The following DDAH1 variants were observed in gnomAD, a reference collection of about 807,000 sequenced individuals.
DDAH1 encodes dimethylarginine dimethylaminohydrolase 1.
In DDAH1, 19 loss-of-function variants were observed where a neutral mutation model predicts 28.8. The ratio of observed to expected loss-of-function variants is 0.66; its 90% CI spans 0.46 to 0.97. The LOEUF is 0.97. Ranked by LOEUF, DDAH1 falls within the 50% of genes least tolerant of loss-of-function variation. The probability of loss-of-function intolerance (pLI) is 0.00; values close to 1 mark genes in which losing one functional copy is unlikely to be tolerated. For synonymous variants in DDAH1, 153 were observed against 154.4 expected, an observed-to-expected ratio of 0.99 and a Z score of 0.07; for missense variants, 326 against 375.9, an observed-to-expected ratio of 0.87 and a Z score of 1.10.
chr1:85,570,271 G>A (rs1292020607), intron 1 of DDAH1, among the ~76,000 whole-genome samples: 1 of 151,690 alleles, frequency 6.6e-6, no homozygotes, highest in Non-Finnish European at 1.5e-5. Context: ...TTCTCCTGAT[G>A]CCTGATATTT....
chr1:85,366,165 G>T (rs1650066654), intron 1 of DDAH1, among the ~76,000 whole-genome samples: 1 of 150,616 alleles, frequency 6.6e-6, no homozygotes, highest in African/African-American at 2.4e-5. Context: ...ATGGTCAACA[G>T]AACTGGAAAT....
intron 4 of DDAH1, among the ~76,000 whole-genome samples, chr1:85,335,040 G>A (rs530389371): frequency 3.9e-5 from 6 of 152,212 alleles, no homozygotes; most frequent in Admixed American, 1.3e-4. Context: ...GCTTGAGGAA[G>A]TCCTACGCCT....
In DDAH1 at chr1:85,464,566, A is replaced by C. The variant is rs778427973; in HGVS notation, c.303+177T>G. Reference sequence around the variant, plus strand: ...CTGCCGGCAGCCGGGAGGTGTGAACAATGAACTTCTCTCTGACTCTCTGAC... The same window carrying C: ...CTGCCGGCAGCCGGGAGGTGTGAACCATGAACTTCTCTCTGACTCTCTGAC... On this transcript the variant is annotated intron_variant, in intron 1 of 5. Transcript: ENST00000284031. This position sits in a 1 kb window ranked among gnomAD's most constrained non-coding sequence, Gnocchi z 4.4. 106 of 1,527,164 alleles carry C rather than the reference A, an allele frequency of 6.9e-5. No homozygotes were observed. The South Asian group carries it at 1.2e-3, about 17-fold the overall frequency. The allele number at this position is 1,527,164 out of a possible 1,614,324, so 94.6% of individuals were successfully genotyped here. A position where few individuals can be genotyped will look rare whatever the true frequency, so the allele number is the denominator to read the frequency against.
chr1:85,525,664 T>C (rs555937807), intron 1 of DDAH1, among the ~76,000 whole-genome samples: 6 of 152,062 alleles, frequency 3.9e-5, no homozygotes, highest in Admixed American at 1.3e-4. Context: ...AACTGGAGAC[T>C]AGCAGGACAC....
At chr1:85,506,277 G>A (rs1310950518) in intron 1 of DDAH1, among the ~76,000 whole-genome samples, 1 of 152,140 alleles carries the variant, frequency 6.6e-6, no homozygotes, top group Non-Finnish European at 1.5e-5. Flanking sequence ...GAGAGAGAAG[G>A]AAGAATGACA....
intron 1 of DDAH1, among the ~76,000 whole-genome samples, chr1:85,361,570 T>G (rs1041105353): frequency 6.6e-6 from 1 of 152,204 alleles, no homozygotes; most frequent in Non-Finnish European, 1.5e-5. Context: ...CCTACTTAAT[T>G]TAAGCCTTAG....
chr1:85,511,952 C>T (rs932866592), intron 1 of DDAH1, among the ~76,000 whole-genome samples: 2 of 152,188 alleles, frequency 1.3e-5, no homozygotes, highest in African/African-American at 4.8e-5. Flanking sequence ...CCTTCTGAAA[C>T]TATTCCAATC....
intron 1 of DDAH1, among the ~76,000 whole-genome samples, chr1:85,430,908 G>C (rs1653655223): frequency 6.6e-6 from 1 of 152,084 alleles, no homozygotes; most frequent in Non-Finnish European, 1.5e-5. Context: ...GATTTCCCTG[G>C]CCAGAACTAC....
At chr1:85,501,330 A>C (rs1286800065) in intron 1 of DDAH1, among the ~76,000 whole-genome samples, 1 of 152,102 alleles carries the variant, frequency 6.6e-6, no homozygotes, top group Non-Finnish European at 1.5e-5. Flanking sequence ...CTTCACTGAA[A>C]ACCCCAGGGA....
intron 1 of DDAH1, among the ~76,000 whole-genome samples, chr1:85,369,055 CTTTTTTTTT>C (rs36109764): frequency 1.2e-5 from 1 of 84,610 alleles, no homozygotes; most frequent in Non-Finnish European, 2.2e-5. Context: ...CCAGGGGATT[CTTTTTTTTT>C]TTTTTTTTTT....
chr1:85,464,782 G>C lies in DDAH1; in HGVS notation c.264C>G (p.Ala88=), dbSNP rs572371256. 1.3e-6 allele frequency: 2 copies of C among 1,577,918 alleles called. No individual in the cohort carries two copies. The highest frequency in any genetic ancestry group is 1.7e-6 in the Non-Finnish European group (2 of 1,169,104). Residue 88 remains alanine (A), a synonymous_variant, in exon 1 of 6, where the codon GCC becomes GCG. Coordinates refer to ENST00000284031, the MANE Select transcript of DDAH1 (RefSeq NM_012137.4). This position sits in a 1 kb window ranked among gnomAD's most constrained non-coding sequence, Gnocchi z 4.4. ...TCGGCGCCCCGGGTCGGGTGATGAG[G>C]GCCGTCTCCTCGCACACCACGGCCA... ...EDVAVVCEET[A]LITRPGAPSR... is the part of the protein sequence containing the mutation.
intron 1 of DDAH1, among the ~76,000 whole-genome samples, chr1:85,513,909 T>A (rs1408375441): frequency 6.6e-6 from 1 of 151,954 alleles, no homozygotes; most frequent in Non-Finnish European, 1.5e-5. Context: ...TTGGTGGGAG[T>A]GTAAAGTAGT....
At chr1:85,471,671 A>G (rs896384176) in intron 2 of DDAH1, among the ~76,000 whole-genome samples, 2 of 152,198 alleles carry the variant, frequency 1.3e-5, no homozygotes, top group Non-Finnish European at 2.9e-5. Context: ...TTCATTATGG[A>G]GTATCCATCT....
chr1:85,574,833 G>A (rs1659553633), intron 1 of DDAH1, among the ~76,000 whole-genome samples: 1 of 151,340 alleles, frequency 6.6e-6, no homozygotes, highest in African/African-American at 2.4e-5. Context: ...ATCACTTGAG[G>A]CCAGAAATTC....
At chr1:85,384,622 T>C (rs1651157230) in intron 1 of DDAH1, among the ~76,000 whole-genome samples, 1 of 152,246 alleles carries the variant, frequency 6.6e-6, no homozygotes, top group African/African-American at 2.4e-5. Context: ...TAGCAGTTAA[T>C]CTTTCATGAT....
intron 1 of DDAH1, among the ~76,000 whole-genome samples, chr1:85,436,576 A>AC (rs1653954564): frequency 6.6e-6 from 1 of 152,220 alleles, no homozygotes; most frequent in South Asian, 2.1e-4. Context: ...TGGCTCAGGC[A>AC]CAAAGTGTTG....
At chr1:85,549,693 G>A (rs1658728612) in intron 1 of DDAH1, among the ~76,000 whole-genome samples, 2 of 152,198 alleles carry the variant, frequency 1.3e-5, no homozygotes, top group African/African-American at 4.8e-5. Context: ...GAAGAAAGGA[G>A]TTAAGAGAAA....
upstream of DDAH1, among the ~76,000 whole-genome samples, chr1:85,465,397 C>T (rs923669830): frequency 2.6e-5 from 4 of 152,164 alleles, no homozygotes; most frequent in Non-Finnish European, 5.9e-5. Context: ...GGCGAAAAGC[C>T]ACCGCTACCC....
chr1:85,514,108 G>A (rs188079616), intron 1 of DDAH1, among the ~76,000 whole-genome samples: 6 of 152,170 alleles, frequency 3.9e-5, no homozygotes, highest in Admixed American at 2.6e-4. Flanking sequence ...CAACTCAAAT[G>A]TCCATCAGTA....
Sources: gnomAD v4.1 joint callset for allele counts (sites outside exome capture counted in the v4.1 genomes callset) on GRCh38, gnomAD v4.1.1 for gene constraint, Gnocchi (gnomAD v3.1) non-coding constraint, MANE v1.5 for transcripts, NCBI Gene and HGNC (gene_info 2026-07-23, HGNC 2026-07-21) for gene names.